Variants in PTPRM observed in about 807,000 individuals in gnomAD.
PTPRM encodes the protein protein tyrosine phosphatase receptor type M.
PTPRM carries 47 observed loss-of-function variants against 186.7 expected under a neutral mutation model. That is an observed-to-expected ratio of 0.25 (90% CI 0.20 to 0.32). PTPRM has a LOEUF of 0.32. Among genes scored for constraint, PTPRM ranks in the 10% least tolerant of loss-of-function variants. The pLI is 1.00. For synonymous variants in PTPRM, 668 were observed against 674.9 expected (o/e 0.99, Z 0.16); for missense variants, 1,494 against 1,865.0 (o/e 0.80, Z 3.66).
intron 1 of PTPRM, among the ~76,000 whole-genome samples, chr18:7,573,876 C>T (rs1324834339): frequency 1.3e-5 from 2 of 152,166 alleles, no homozygotes; most frequent in East Asian, 3.9e-4. Context: ...CAGGCATGAG[C>T]CACCACGCCT....
chr18:8,378,375 T>A lies in PTPRM; in HGVS notation c.3573T>A (p.Asp1191Glu). 1 of 1,614,076 alleles carries A rather than the reference T, an allele frequency of 6.2e-7. No homozygotes were observed. Among genetic ancestry groups the A allele is most frequent in the Non-Finnish European group, 8.5e-7 (1 of 1,179,970 alleles). The change falls in exon 27 of 33, where the codon GAT becomes GAA. Residue 1191 changes from aspartate to glutamate, a missense_variant. This residue lies in a region of PTPRM where 1,107 missense variants were observed against 1,350.2 expected (regional missense o/e 0.82). Coordinates refer to ENST00000580170, the MANE Select transcript of PTPRM (RefSeq NM_001105244.2). ...TGTATTATGACATGAACAAACTGGA[T>A]CCACAGACAAACTCAAGCCAGATTA... ...RSLYYDMNKL[D>E]PQTNSSQIKE...
At chr18:8,356,814 G>C (rs994126724) in intron 23 of PTPRM, among the ~76,000 whole-genome samples, 1 of 152,150 alleles carries the variant, frequency 6.6e-6, no homozygotes, top group Non-Finnish European at 1.5e-5. Context: ...AAGGAGAATA[G>C]GGTGTTGTGA....
At chr18:8,095,943 A>T (rs1382780163) in intron 11 of PTPRM, among the ~76,000 whole-genome samples, 3 of 152,222 alleles carry the variant, frequency 2.0e-5, no homozygotes, top group Admixed American at 1.3e-4. Context: ...CCCAATTTTC[A>T]TAAGCAGTAA....
intron 3 of PTPRM, among the ~76,000 whole-genome samples, chr18:7,904,905 A>G (rs2049895433): frequency 6.6e-6 from 1 of 152,256 alleles, no homozygotes; most frequent in South Asian, 2.1e-4. Flanking sequence ...TTTAAATGAT[A>G]GCCTGACAAC....
At chr18:7,882,859 G>A (rs183072645) in intron 2 of PTPRM, among the ~76,000 whole-genome samples, 19 of 152,282 alleles carry the variant, frequency 1.2e-4, no homozygotes, top group African/African-American at 4.6e-4. Flanking sequence ...ATAATTCTGT[G>A]CAGTTATTAC....
intron 2 of PTPRM, among the ~76,000 whole-genome samples, chr18:7,788,733 G>A (rs1430422973): frequency 1.3e-5 from 2 of 152,156 alleles, no homozygotes; most frequent in Non-Finnish European, 2.9e-5. Flanking sequence ...GCCCAATTCT[G>A]TAAGGCAACA....
chr18:8,254,490 A>C (rs1323649857), intron 19 of PTPRM, among the ~76,000 whole-genome samples: 1 of 152,228 alleles, frequency 6.6e-6, no homozygotes, highest in Admixed American at 6.5e-5. Context: ...ATGCTTACTC[A>C]GAGTAAAAAT....
At chr18:7,703,145 T>C (rs12165070) in intron 1 of PTPRM, among the ~76,000 whole-genome samples, 9,978 of 152,094 alleles carry the variant, frequency 0.066, 868 homozygotes, top group African/African-American at 0.19. Flanking sequence ...TGCTCAGGAT[T>C]GTCTTGGCTC....
intron 29 of PTPRM, among the ~76,000 whole-genome samples, chr18:8,384,185 C>T (rs2095756680): frequency 6.6e-6 from 1 of 152,204 alleles, no homozygotes; most frequent in Non-Finnish European, 1.5e-5. Context: ...TCTCCAAACA[C>T]AGCATCCCAC....
intron 1 of PTPRM, among the ~76,000 whole-genome samples, chr18:7,663,594 G>A (rs150086725): frequency 5.6e-4 from 85 of 152,326 alleles, no homozygotes; most frequent in African/African-American, 2.0e-3. Context: ...GTGGGGGAAG[G>A]CTTGTCTCAG....
At position 7,695,467 on chromosome 18, in the gene PTPRM, G is replaced by A. The variant is rs770536406; in HGVS notation, c.74-78682G>A. 5.6e-4 allele frequency among the ~76,000 whole-genome samples: 85 copies of A among 152,268 alleles called. 1 individual carries two copies. The highest frequency in any genetic ancestry group is 1.9e-4 in the East Asian group (1 of 5,180). ...TTTGCTGGGGATGTTGGGTTCCACC[G>A]TCTTGCAGTTATTTCTGAAAGTTTT... On this transcript the variant is annotated intron_variant, in intron 1 of 32. Transcript: ENST00000580170.
chr18:7,907,914 T>C (rs1650972289), intron 4 of PTPRM, among the ~76,000 whole-genome samples: 1 of 152,068 alleles, frequency 6.6e-6, no homozygotes, highest in Admixed American at 6.5e-5. Flanking sequence ...ACTTAAGTGT[T>C]AGATATTTTA....
chr18:8,006,801 A>G (rs1600024147), intron 7 of PTPRM, among the ~76,000 whole-genome samples: 1 of 152,228 alleles, frequency 6.6e-6, no homozygotes, highest in South Asian at 2.1e-4. Context: ...TGCACAGGCA[A>G]AGTGGCCGCT....
intron 2 of PTPRM, among the ~76,000 whole-genome samples, chr18:7,867,641 C>A (rs1003365691): frequency 3.9e-5 from 6 of 152,304 alleles, no homozygotes; most frequent in Admixed American, 3.9e-4. Context: ...TTTTATCCTT[C>A]ATTTCAACCT....
intron 1 of PTPRM, among the ~76,000 whole-genome samples, chr18:7,683,625 C>G (rs978623861): frequency 2.0e-5 from 3 of 152,214 alleles, no homozygotes; most frequent in Admixed American, 2.0e-4. Context: ...ACCTAGAAAT[C>G]CTGGTGTGAG....
At chr18:7,964,843 G>T (rs1286611769) in intron 7 of PTPRM, among the ~76,000 whole-genome samples, 2 of 151,436 alleles carry the variant, frequency 1.3e-5, no homozygotes, top group Non-Finnish European at 3.0e-5. Flanking sequence ...GTGTGGTCGG[G>T]ATAGAAAATA....
In PTPRM at chr18:7,902,355, G is replaced by A. The variant is rs79608113; in HGVS notation, c.469-4150G>A. ...GTCATCTTGCTGGGAAATATGGGGC[G>A]AATTGGCTTGTTTCTGAGACTCTCT... On this transcript the variant is annotated intron_variant, in intron 3 of 32. Coordinates refer to ENST00000580170, the MANE Select transcript of PTPRM (RefSeq NM_001105244.2). Among the ~76,000 whole-genome samples the A allele has an allele frequency of 3.5e-3, 537 of 152,264 alleles. 4 individuals carry two copies. Among genetic ancestry groups the A allele is most frequent in the African/African-American group, 9.6e-3 (398 of 41,550 alleles).
At chr18:8,226,374 A>G (rs1487562802) in intron 14 of PTPRM, among the ~76,000 whole-genome samples, 2 of 152,098 alleles carry the variant, frequency 1.3e-5, no homozygotes, top group East Asian at 1.9e-4. Context: ...CACTACCAGT[A>G]TACTCAAGTT....
At chr18:8,152,396 C>T (rs1568430472) in intron 14 of PTPRM, among the ~76,000 whole-genome samples, 1 of 152,124 alleles carries the variant, frequency 6.6e-6, no homozygotes, top group Admixed American at 6.5e-5. Context: ...TACTCCTTTT[C>T]TGAGTCTCCC....
Sources: allele counts gnomAD v4.1 joint callset (sites outside exome capture counted in the v4.1 genomes callset), GRCh38; gene constraint gnomAD v4.1.1; regional missense constraint gnomAD v4.1.1; transcripts MANE v1.5; gene names NCBI Gene and HGNC (gene_info 2026-07-23, HGNC 2026-07-21).